The following ZNF536 variants were observed in gnomAD, a reference collection of about 807,000 sequenced individuals.
The protein encoded by ZNF536 is zinc finger protein 536.
Under a neutral mutation model 84.5 loss-of-function variants are expected in ZNF536, and 13 were observed. That is an observed-to-expected ratio of 0.15 (90% confidence interval 0.10 to 0.24). The LOEUF is 0.24. Ranked by LOEUF, ZNF536 falls within the 10% of genes least tolerant of loss-of-function variation. The probability of loss-of-function intolerance (pLI) is 1.00; values close to 1 mark genes in which losing one functional copy is unlikely to be tolerated. For synonymous variants in ZNF536, 811 were observed against 742.5 expected (o/e 1.09, Z -1.50); for missense variants, 1,536 against 1,747.5 (o/e 0.88, Z 2.16).
chr19:30,353,755 C>T (rs959593803), intron 3 of ZNF536, among the ~76,000 whole-genome samples: 4 of 152,152 alleles, frequency 2.6e-5, no homozygotes, highest in African/African-American at 7.2e-5. Flanking sequence ...GGAATGTCTG[C>T]GAAGACTATT....
chr19:30,295,047 G>A (rs2045955129), intron 2 of ZNF536, among the ~76,000 whole-genome samples: 1 of 152,168 alleles, frequency 6.6e-6, no homozygotes, highest in Non-Finnish European at 1.5e-5. Flanking sequence ...ACCTAGACCA[G>A]GGTGTCAGGA....
At chr19:30,288,321 C>T (rs1170901594) in intron 2 of ZNF536, among the ~76,000 whole-genome samples, 1 of 152,142 alleles carries the variant, frequency 6.6e-6, no homozygotes, top group Non-Finnish European at 1.5e-5. Flanking sequence ...GTGTCCTCTT[C>T]AGCCCTGCCA....
rs556835599 is a variant in ZNF536, at chr19:30,617,333, C to CTTTTTTTTTTTTTTTTTTTTTTTT, written c.169+67829_169+67852dup. Among the ~76,000 whole-genome samples, 5 of 37,712 alleles carry CTTTTTTTTTTTTTTTTTTTTTTTT rather than the reference C, an allele frequency of 1.3e-4. 2 individuals are homozygous for CTTTTTTTTTTTTTTTTTTTTTTTT. Among genetic ancestry groups the CTTTTTTTTTTTTTTTTTTTTTTTT allele is most frequent in the East Asian group, 6.7e-4 (1 of 1,488 alleles). 24.7% of individuals were successfully genotyped at this position (37,712 alleles called of 152,430 possible). On this transcript the variant is annotated intron_variant, in intron 1 of 1. Coordinates refer to the ZNF536 transcript ENST00000592773. ...GAGTCCACCATATCTGAATAGCTTACTTTTTTTTTTTTTTTTTTTTTTTTT... is the reference window on the plus strand; with the variant it reads ...GAGTCCACCATATCTGAATAGCTTACTTTTTTTTTTTTTTTTTTTTTTTTTTTTTTTTTTTTTTTTTTTTTTTTT...
At chr19:30,612,859 C>A (rs1309663631) in intron 1 of ZNF536, among the ~76,000 whole-genome samples, 2 of 152,174 alleles carry the variant, frequency 1.3e-5, no homozygotes, top group African/African-American at 4.8e-5. Context: ...ACCAGTGGCC[C>A]ACTAATGTCC....
downstream of ZNF536, among the ~76,000 whole-genome samples, chr19:30,560,507 T>C (rs914865271): frequency 2.0e-5 from 3 of 152,038 alleles, no homozygotes; most frequent in African/African-American, 7.3e-5. Flanking sequence ...AATGTAAACA[T>C]CATCCATTGG....
intron 1 of ZNF536, among the ~76,000 whole-genome samples, chr19:30,283,771 A>C (rs1246844493): frequency 6.6e-6 from 1 of 151,974 alleles, no homozygotes; most frequent in Non-Finnish European, 1.5e-5. Flanking sequence ...GAGCCCTTAT[A>C]ATATTAGCTC....
At position 30,548,845 on chromosome 19, in the gene ZNF536, T is replaced by G; in HGVS notation, c.3226T>G (p.Ser1076Ala). ...TATGATCAGCTCTCTAGACTCTGCT[T>G]CTGAGAAGATGGCCCAAGGTCAGCT... ...SNMISSLDSA[S>A]EKMAQGQLKE... The change falls in exon 4 of 5, where the codon TCT (serine) becomes GCT (alanine). Residue 1076 changes from serine (S) to alanine (A), a missense_variant. By Grantham distance (99) the Ser-to-Ala change is moderately conservative (BLOSUM62 1). Coordinates refer to ENST00000355537, the MANE Select transcript of ZNF536 (RefSeq NM_014717.3). 6.2e-7 allele frequency: 1 copy of G among 1,614,086 alleles called. No homozygotes were observed. Among genetic ancestry groups the G allele is most frequent in the Non-Finnish European group, 8.5e-7 (1 of 1,180,014 alleles).
chr19:30,404,877 G>A (rs900527996), intron 1 of ZNF536, among the ~76,000 whole-genome samples: 1 of 152,184 alleles, frequency 6.6e-6, no homozygotes, highest in Non-Finnish European at 1.5e-5. Context: ...GCAAGTCCAG[G>A]CCTCACGAAC....
At position 30,354,711 on chromosome 19, in the gene ZNF536, T is replaced by C. The variant is rs544699834; in HGVS notation, c.-3+2227T>C. ...TGAACTGGAAGGAGGATTGAGACTTTGTATCCAAAAATAAATTTTGTCCCC... is the reference window on the plus strand; with the variant it reads ...TGAACTGGAAGGAGGATTGAGACTTCGTATCCAAAAATAAATTTTGTCCCC... On this transcript the variant is annotated intron_variant, in intron 3 of 5. Transcript: ENST00000585628. 2.0e-4 allele frequency among the ~76,000 whole-genome samples: 30 copies of C among 152,278 alleles called. 1 individual carries two copies. Among genetic ancestry groups the C allele is most frequent in the African/African-American group, 7.2e-4 (30 of 41,548 alleles).
intron 1 of ZNF536, among the ~76,000 whole-genome samples, chr19:30,597,891 T>C (rs180812880): frequency 6.6e-6 from 1 of 152,300 alleles, no homozygotes; most frequent in Non-Finnish European, 1.5e-5. Context: ...TTGTTGTGTA[T>C]ACATTATTTT....
At chr19:30,473,049 A>T (rs2053704237) in intron 2 of ZNF536, among the ~76,000 whole-genome samples, 1 of 151,678 alleles carries the variant, frequency 6.6e-6, no homozygotes, top group East Asian at 1.9e-4. Context: ...AAAAAAAAAA[A>T]AAAAAAATTA....
intron 1 of ZNF536, among the ~76,000 whole-genome samples, chr19:30,654,922 G>A (rs2049849738): frequency 6.6e-6 from 1 of 151,644 alleles, no homozygotes; most frequent in African/African-American, 2.4e-5. Flanking sequence ...TAACTTTTCA[G>A]AAATTTTTAT....
At chr19:30,493,523 C>A (rs1426411092) in intron 2 of ZNF536, among the ~76,000 whole-genome samples, 1 of 152,098 alleles carries the variant, frequency 6.6e-6, no homozygotes, top group East Asian at 1.9e-4. Flanking sequence ...GACACATAGA[C>A]CAAGAGAAAG....
intron 2 of ZNF536, among the ~76,000 whole-genome samples, chr19:30,506,682 A>T (rs561372204): frequency 6.6e-6 from 1 of 152,296 alleles, no homozygotes; most frequent in South Asian, 2.1e-4. Flanking sequence ...GCAGAGGAGA[A>T]ACCTTTCTTT....
rs564562975 is a variant in ZNF536 at position 30,309,689 on chromosome 19, C to T, written c.-120+25548C>T. 7.0e-4 allele frequency among the ~76,000 whole-genome samples: 106 copies of T among 152,250 alleles called. 1 individual carries two copies. The highest frequency in any genetic ancestry group is 2.3e-3 in the African/African-American group (97 of 41,526). On this transcript the variant is annotated intron_variant, in intron 2 of 5. Coordinates refer to the ZNF536 transcript ENST00000585628. ...TAAGAACACATTATTTATGTGAGACCTCCTCATGACAAAGTACAATAGTGA... is the reference window on the plus strand; with the variant it reads ...TAAGAACACATTATTTATGTGAGACTTCCTCATGACAAAGTACAATAGTGA...
At chr19:30,677,454 C>T (rs2050793219) in intron 1 of ZNF536, among the ~76,000 whole-genome samples, 1 of 152,224 alleles carries the variant, frequency 6.6e-6, no homozygotes, top group Non-Finnish European at 1.5e-5. Flanking sequence ...CCACCCTTGG[C>T]CATCCACCTG....
intron 1 of ZNF536, among the ~76,000 whole-genome samples, chr19:30,403,913 G>A (rs2050153893): frequency 6.6e-6 from 1 of 151,868 alleles, no homozygotes; most frequent in Non-Finnish European, 1.5e-5. Context: ...GACCGTAAAT[G>A]TAATCTCCAC....
chr19:30,324,687 T>G (rs1369573393), intron 2 of ZNF536, among the ~76,000 whole-genome samples: 1 of 152,254 alleles, frequency 6.6e-6, no homozygotes, highest in African/African-American at 2.4e-5. Context: ...CCACTCCGTC[T>G]GACTTTCCTT....
intron 1 of ZNF536, among the ~76,000 whole-genome samples, chr19:30,705,815 T>C (rs1053383044): frequency 2.6e-5 from 4 of 152,218 alleles, no homozygotes; most frequent in Non-Finnish European, 4.4e-5. Flanking sequence ...TAGATTTCCA[T>C]CTCACCTAAG....
Sources: allele counts gnomAD v4.1 joint callset (sites outside exome capture counted in the v4.1 genomes callset), GRCh38; gene constraint gnomAD v4.1.1; transcripts MANE v1.5; gene names NCBI Gene and HGNC (gene_info 2026-07-23, HGNC 2026-07-21).